SND1: variants seen among roughly 807,000 people sequenced by gnomAD.
The protein encoded by SND1 is staphylococcal nuclease and tudor domain containing 1.
SND1 carries 38 observed loss-of-function variants against 121.7 expected under a neutral mutation model. The observed-to-expected ratio is 0.31, with a 90% CI of 0.24 to 0.41. SND1 has a LOEUF of 0.41. SND1 is among the 10% of genes least tolerant of loss of function. The pLI is 1.00. For missense variants in SND1, 868 were observed against 1,184.6 expected (o/e 0.73, Z 3.92); for synonymous variants, 401 against 447.4 (o/e 0.90, Z 1.31).
At position 127,771,895 on chromosome 7, in the gene SND1, G is replaced by A. The variant is rs116551933; in HGVS notation, c.1153-35589G>A. On this transcript the variant is annotated intron_variant, in intron 10 of 23. Transcript: ENST00000354725. The stretch of plus-strand genomic sequence containing the variant: ...TTGCCCAGCAGATTTGGATCACCTC[G>A]GTGGTTTCGCTTCCGGCTGGGCCAT... Among the ~76,000 whole-genome samples, 617 of 152,134 alleles carry A rather than the reference G, an allele frequency of 4.1e-3. 8 individuals carry two copies. The highest frequency in any genetic ancestry group is 0.014 in the African/African-American group (578 of 41,476).
intron 15 of SND1, among the ~76,000 whole-genome samples, chr7:127,978,991 G>A (rs1219918726): frequency 6.6e-6 from 1 of 152,048 alleles, no homozygotes; most frequent in Non-Finnish European, 1.5e-5. Context: ...CTGGCCGCCT[G>A]TATTTTTTTT....
chr7:127,746,698 ACATT>A (rs1796989158), intron 10 of SND1, among the ~76,000 whole-genome samples: 1 of 152,116 alleles, frequency 6.6e-6, no homozygotes, highest in African/African-American at 2.4e-5. Flanking sequence ...CTTCCTATGA[ACATT>A]CATCTTTTGA....
intron 16 of SND1, among the ~76,000 whole-genome samples, chr7:128,019,702 A>G (rs1365812574): frequency 2.0e-5 from 3 of 152,368 alleles, no homozygotes; most frequent in Admixed American, 6.5e-5. Context: ...GAATGTTTCT[A>G]TTGGGACTTC....
At chr7:128,036,638 C>G (rs145893671) in intron 16 of SND1, among the ~76,000 whole-genome samples, 93 of 152,326 alleles carry the variant, frequency 6.1e-4, no homozygotes, top group African/African-American at 2.2e-3. Context: ...AATGGAGAGG[C>G]CTTTCCCTCT....
At position 127,652,411 on chromosome 7, in the gene SND1, G is replaced by A. The variant is rs1364759973; in HGVS notation, c.38G>A (p.Gly13Glu). ...SSAQSGGSSG[G>E]PAVPTVQRGI... is the part of the protein sequence containing the mutation. ...GCGCAGAGCGGCGGCTCCTCCGGGGGACCCGCGGTCCCCACCGTGCAGCGG... is the reference window on the plus strand; with the variant it reads ...GCGCAGAGCGGCGGCTCCTCCGGGGAACCCGCGGTCCCCACCGTGCAGCGG... The change falls in exon 1 of 24, where the codon GGA becomes GAA. Residue 13 changes from glycine to glutamate, a missense_variant. Around this residue, in one of 2 missense-constraint regions of SND1, gnomAD observed 125 missense variants for 113.3 expected, o/e 1.10. Transcript: ENST00000354725. 5.7e-6 allele frequency: 9 copies of A among 1,570,654 alleles called. No individual in the cohort carries two copies. The highest frequency in any genetic ancestry group is 3.5e-5 in the Admixed American group (2 of 56,514).
chr7:127,837,867 A>T (rs1410771356), intron 11 of SND1, among the ~76,000 whole-genome samples: 2 of 152,210 alleles, frequency 1.3e-5, no homozygotes, highest in South Asian at 2.1e-4. Flanking sequence ...GTAGCACTCG[A>T]ACATAAATTT....
chr7:127,920,405 G>A (rs147180670), intron 14 of SND1, among the ~76,000 whole-genome samples: 2 of 152,148 alleles, frequency 1.3e-5, no homozygotes, highest in Admixed American at 6.5e-5. Context: ...TGCAGAGGTC[G>A]CAGGAGGATG....
At chr7:127,699,884 C>A (rs931531220) in intron 4 of SND1, among the ~76,000 whole-genome samples, 1 of 152,250 alleles carries the variant, frequency 6.6e-6, no homozygotes, top group South Asian at 2.1e-4. Flanking sequence ...GGCAAAAATG[C>A]GCCTTTTGCA....
intron 15 of SND1, among the ~76,000 whole-genome samples, chr7:127,981,676 T>TGTG (rs1392613051): frequency 6.6e-6 from 1 of 152,236 alleles, no homozygotes; most frequent in Non-Finnish European, 1.5e-5. Flanking sequence ...GGAGAGATTG[T>TGTG]GTGGTGTCTA....
intron 9 of SND1, among the ~76,000 whole-genome samples, chr7:127,714,087 G>A (rs566959987): frequency 3.3e-5 from 5 of 151,968 alleles, no homozygotes; most frequent in Non-Finnish European, 7.4e-5. Context: ...GTTGTGGGGG[G>A]TGGGGGAGGG....
rs1795141360 is a variant in SND1, at chr7:127,652,581, C to T, written c.78+130C>T. The stretch of plus-strand genomic sequence containing the variant: ...CTCTGCCCCCTTCCTCACTTTTCGT[C>T]GATTCTCCGAATCCTCTCACTAGAC... On this transcript the variant is annotated intron_variant, in intron 1 of 23. Coordinates refer to ENST00000354725, the MANE Select transcript of SND1 (RefSeq NM_014390.4). The T allele has an allele frequency of 5.3e-6, 4 of 760,492 alleles. No homozygotes were observed. The African/African-American group carries it at 7.1e-5, about 14-fold the overall frequency. 47.1% of individuals were successfully genotyped at this position (760,492 alleles called of 1,614,324 possible).
At position 128,060,570 on chromosome 7, in the gene SND1, C is replaced by T. The variant is rs554449115; in HGVS notation, c.1780-13932C>T. Among the ~76,000 whole-genome samples, 3 of 152,330 alleles carry T rather than the reference C, an allele frequency of 2.0e-5. No homozygotes were observed. The South Asian group carries it at 6.2e-4, about 32-fold the overall frequency. On this transcript the variant is annotated intron_variant, in intron 16 of 23. Coordinates refer to ENST00000354725, the MANE Select transcript of SND1 (RefSeq NM_014390.4). ...CCTCCCTGCTCCTTAACTTCCCACT[C>T]TGCATTTTCCTGCCTGCTGCCTCTA...
chr7:127,925,947 C>T (rs1800823698), intron 14 of SND1, among the ~76,000 whole-genome samples: 1 of 151,518 alleles, frequency 6.6e-6, no homozygotes, highest in African/African-American at 2.4e-5. Context: ...TCTCTGTCTC[C>T]CGGCTCTTAT....
chr7:127,881,859 G>A (rs1186084811), intron 12 of SND1, among the ~76,000 whole-genome samples: 3 of 152,108 alleles, frequency 2.0e-5, no homozygotes, highest in Non-Finnish European at 4.4e-5. Context: ...CTGTAGCCTT[G>A]ATCTCCTGGA....
intron 12 of SND1, among the ~76,000 whole-genome samples, chr7:127,861,009 C>T (rs1262739507): frequency 6.6e-6 from 1 of 152,154 alleles, no homozygotes; most frequent in East Asian, 1.9e-4. Flanking sequence ...ATTTGGCAGG[C>T]TTTAATCCAA....
At chr7:128,065,210 G>GGTACCTGAGGA (rs1421734921) in intron 16 of SND1, among the ~76,000 whole-genome samples, 1 of 152,232 alleles carries the variant, frequency 6.6e-6, no homozygotes. Context: ...TTGTGATCTG[G>GGTACCTGAGGA]AGCCAAGTTC....
chr7:127,653,240 G>C (rs1001555634), intron 1 of SND1, among the ~76,000 whole-genome samples: 11 of 152,126 alleles, frequency 7.2e-5, no homozygotes, highest in African/African-American at 2.2e-4. Flanking sequence ...ATTTGAACCT[G>C]CAAAGTTTAT....
intron 10 of SND1, among the ~76,000 whole-genome samples, chr7:127,731,177 C>T (rs111755536): frequency 1.2e-3 from 180 of 152,344 alleles, no homozygotes; most frequent in African/African-American, 3.8e-3. Flanking sequence ...GGGCACTGCC[C>T]GCCCGATTCT....
chr7:127,696,042 T>TGAAG (rs1394936812), intron 3 of SND1, among the ~76,000 whole-genome samples: 1 of 152,206 alleles, frequency 6.6e-6, no homozygotes, highest in African/African-American at 2.4e-5. Context: ...CAGATGAACA[T>TGAAG]GAAGTTATGT....
Sources: gnomAD v4.1 joint callset for allele counts (sites outside exome capture counted in the v4.1 genomes callset) on GRCh38, gnomAD v4.1.1 for gene constraint, gnomAD v4.1.1 regional missense constraint, MANE v1.5 for transcripts, NCBI Gene and HGNC (gene_info 2026-07-23, HGNC 2026-07-21) for gene names.